Variants in ABCA9 observed in about 807,000 individuals in gnomAD.
ABCA9 encodes the protein ATP-binding cassette sub-family A member 9.
Under a neutral mutation model 205.3 loss-of-function variants are expected in ABCA9, and 183 were observed. That is an observed-to-expected ratio of 0.89 (90% confidence interval 0.79 to 1.01). The LOEUF (loss-of-function observed/expected upper bound fraction) is 1.01. ABCA9 is among the 50% of genes least tolerant of loss of function. The probability of loss-of-function intolerance (pLI) is 0.00; values close to 1 mark genes in which losing one functional copy is unlikely to be tolerated. For synonymous variants in ABCA9, 651 were observed against 683.3 expected (o/e 0.95, Z 0.74); for missense variants, 1,805 against 1,912.4 (o/e 0.94, Z 1.05).
intron 3 of ABCA9, 131 bp downstream of exon 3, chr17:69,049,152 A>G: frequency 9.9e-7 from 1 of 1,014,888 alleles, no homozygotes; most frequent in Non-Finnish European, 1.4e-6. Context: ...GAGACTTGGA[A>G]GGAATATACG....
chr17:69,028,682 A>C, intron 11 of ABCA9, 37 bp from the exon 12 acceptor site: 1 of 1,302,052 alleles, frequency 7.7e-7, no homozygotes, highest in Non-Finnish European at 1.1e-6. Context: ...CTCAGAGCCT[A>C]CATATTAACT....
rs1426634552 is a variant in ABCA9, at chr17:69,013,184, A to T, written c.3040-1101T>A. On this transcript the variant is annotated intron_variant, in intron 22 of 38. Transcript: ENST00000340001. ...TGAACAGTGCTGTAACAAACATGAG[A>T]GTGTGGATATCTCTTTGATATACTT... Among the ~76,000 whole-genome samples, 4 of 152,106 alleles carry T rather than the reference A, an allele frequency of 2.6e-5. No homozygotes were observed. The East Asian group carries it at 7.7e-4, about 29-fold the overall frequency.
At chr17:69,006,029 G>A (rs951403896) in intron 25 of ABCA9, among the ~76,000 whole-genome samples, 6 of 152,212 alleles carry the variant, frequency 3.9e-5, no homozygotes, top group African/African-American at 1.4e-4. Context: ...TGACTTAGAT[G>A]TGTTTATTTT....
At chr17:69,058,415 A>T (rs917580870) in intron 1 of ABCA9, among the ~76,000 whole-genome samples, 1 of 152,126 alleles carries the variant, frequency 6.6e-6, no homozygotes, top group African/African-American at 2.4e-5. Context: ...TGGGAAGACG[A>T]TTTATTCAAG....
Position 68,975,081 on chromosome 17 carries a change from C to T in ABCA9, c.*834G>A, listed in dbSNP as rs553283738. On this transcript the variant is annotated 3_prime_UTR_variant, in exon 39 of 39. Coordinates refer to ENST00000340001, the MANE Select transcript of ABCA9 (RefSeq NM_080283.4). Reference sequence around the variant, plus strand: ...ATGTATTCTCATTGTTCAATTCCCACTTATGAGTGAGAACATGCGGTGTTT... The same window carrying T: ...ATGTATTCTCATTGTTCAATTCCCATTTATGAGTGAGAACATGCGGTGTTT... 1.3e-5 allele frequency: 2 copies of T among 152,200 alleles called. No individual in the cohort carries two copies. Among genetic ancestry groups the T allele is most frequent in the South Asian group, 4.1e-4 (2 of 4,830 alleles). The allele number at this position is 152,200 out of a possible 1,614,324, so 9.4% of individuals were successfully genotyped here. A position where few individuals can be genotyped will look rare whatever the true frequency, so the allele number is the denominator to read the frequency against.
At chr17:69,006,907 T>C (rs1429248923) in intron 25 of ABCA9, among the ~76,000 whole-genome samples, 14 of 152,156 alleles carry the variant, frequency 9.2e-5, no homozygotes, top group Non-Finnish European at 2.1e-4. Context: ...GTTACAGATA[T>C]GTTGCGCTAC....
chr17:69,067,315 G>C, the ABCA9 span, among the ~76,000 whole-genome samples: 1 of 152,076 alleles, frequency 6.6e-6, no homozygotes, highest in Non-Finnish European at 1.5e-5. Context: ...GCGAGGCCAA[G>C]GTGGGAGGAT....
intron 30 of ABCA9, among the ~76,000 whole-genome samples, chr17:68,989,345 TAAAG>T (rs1275170847): frequency 6.6e-6 from 1 of 150,540 alleles, no homozygotes; most frequent in East Asian, 1.9e-4. Flanking sequence ...AGCTAAGACT[TAAAG>T]AGGATAAATA....
chr17:69,058,087 T>A (rs2072125129), intron 1 of ABCA9, among the ~76,000 whole-genome samples: 1 of 152,182 alleles, frequency 6.6e-6, no homozygotes. Flanking sequence ...ACGTAAGACC[T>A]AATCTTAGCT....
At chr17:69,016,853 C>T (rs549238347) in intron 21 of ABCA9, among the ~76,000 whole-genome samples, 10 of 150,976 alleles carry the variant, frequency 6.6e-5, no homozygotes, top group African/African-American at 1.5e-4. Context: ...CTTAAAATAA[C>T]GTGTGTGTGT....
intron 32 of ABCA9, among the ~76,000 whole-genome samples, chr17:68,985,867 G>C (rs1020693277): frequency 6.6e-6 from 1 of 152,002 alleles, no homozygotes; most frequent in Non-Finnish European, 1.5e-5. Context: ...TGAGGCACAA[G>C]AATCGCTTGA....
chr17:69,006,200 C>G (rs962604496), intron 25 of ABCA9, among the ~76,000 whole-genome samples: 2 of 152,128 alleles, frequency 1.3e-5, no homozygotes, highest in African/African-American at 2.4e-5. Context: ...GTGGGTGGTT[C>G]CACCTCTTTG....
chr17:69,050,059 C>T lies in ABCA9; in HGVS notation c.97-569G>A, dbSNP rs1375512934. Among the ~76,000 whole-genome samples the T allele has an allele frequency of 4.6e-5, 7 of 152,138 alleles. No homozygotes were observed. The East Asian group carries it at 1.2e-3, about 25-fold the overall frequency. On this transcript the variant is annotated intron_variant, in intron 2 of 38. Coordinates refer to ENST00000340001, the MANE Select transcript of ABCA9 (RefSeq NM_080283.4). The stretch of plus-strand genomic sequence containing the variant: ...AGTTAATTATTTAGTTATGATACTA[C>T]ACATAAGTCCTTTTTAAAAGAGTTA...
intron 2 of ABCA9, among the ~76,000 whole-genome samples, chr17:69,050,806 A>G (rs1006056681): frequency 2.0e-5 from 3 of 152,176 alleles, no homozygotes; most frequent in African/African-American, 7.2e-5. Flanking sequence ...TGAATTTTTA[A>G]AAAAATGCCT....
chr17:69,062,137 C>G (rs1384627687), upstream of ABCA9, among the ~76,000 whole-genome samples: 4 of 144,134 alleles, frequency 2.8e-5, no homozygotes, highest in African/African-American at 1.0e-4. Context: ...GACTGTCAAA[C>G]TTAAAAAAAA....
Position 69,026,965 on chromosome 17 carries a change from C to G in ABCA9, c.2050+11G>C. On this transcript the variant is annotated intron_variant, in intron 15 of 38. Transcript: ENST00000340001. ...CTCTCATGAAGATACATAAGAGAAA[C>G]AAAAAATTACCCGCCAGAATGTCAG... is the stretch of plus-strand genomic sequence containing the variant. The G allele has an allele frequency of 6.2e-7, 1 of 1,613,310 alleles. No individual in the cohort carries two copies. The highest frequency in any genetic ancestry group is 8.5e-7 in the Non-Finnish European group (1 of 1,179,640).
rs2071298687 is a variant in ABCA9, at chr17:69,035,369, C to T, written c.1005G>A (p.Val335=). 2 of 1,608,286 alleles carry T rather than the reference C, an allele frequency of 1.2e-6. No individual in the cohort carries two copies. The highest frequency in any genetic ancestry group is 1.7e-6 in the Non-Finnish European group (2 of 1,177,110). ...IKKPFLTGLV[V]FLLIVFWGIL... is the part of the protein sequence containing the mutation. The stretch of plus-strand genomic sequence containing the variant: ...TCCCCCAAAAGACAATAAGGAGAAA[C>T]ACAACCAAGCCCGTAAGGAAAGGTT... The change falls in exon 8 of 39, where the codon GTG becomes GTA. Residue 335 remains valine (V), a synonymous_variant. Coordinates refer to ENST00000340001, the MANE Select transcript of ABCA9 (RefSeq NM_080283.4).
intron 6 of ABCA9, among the ~76,000 whole-genome samples, chr17:69,037,707 A>G (rs1480184021): frequency 6.6e-6 from 1 of 152,170 alleles, no homozygotes; most frequent in South Asian, 2.1e-4. Context: ...ACACAAAATA[A>G]CTAAGATCAG....
chr17:68,987,309 G>A (rs558268108), intron 31 of ABCA9, among the ~76,000 whole-genome samples: 29 of 152,322 alleles, frequency 1.9e-4, no homozygotes, highest in Admixed American at 2.6e-4. Context: ...ACAAAGGAGA[G>A]AGCTAGTTAA....
Sources: gnomAD v4.1 joint callset for allele counts (sites outside exome capture counted in the v4.1 genomes callset) on GRCh38, gnomAD v4.1.1 for gene constraint, MANE v1.5 for transcripts, NCBI Gene and HGNC (gene_info 2026-07-23, HGNC 2026-07-21) for gene names.